Variants in PPP6R2 observed in about 807,000 individuals in gnomAD.
PPP6R2 encodes protein phosphatase 6 regulatory subunit 2, also known as serine/threonine-protein phosphatase 6 regulatory subunit 2.
PPP6R2 carries 62 observed loss-of-function variants against 100.2 expected under a neutral mutation model. The ratio of observed to expected loss-of-function variants is 0.62; its 90% CI spans 0.50 to 0.76. PPP6R2 has a LOEUF of 0.76. PPP6R2 is among the 30% of genes least tolerant of loss of function. The pLI is 0.00. For synonymous variants in PPP6R2, 525 were observed against 514.7 expected, an observed-to-expected ratio of 1.02 and a Z score of -0.27; for missense variants, 1,142 against 1,276.3, an observed-to-expected ratio of 0.89 and a Z score of 1.60.
In PPP6R2 at chr22:50,437,493, C is replaced by G. The variant is rs1411327873; in HGVS notation, c.1684-13C>G. On this transcript the variant is annotated splice_polypyrimidine_tract_variant and intron_variant, in intron 15 of 23. Transcript: ENST00000612753. ...GGTGTCTGTCCGTCCCTCCCTCCCT[C>G]CCTCCCTCCCAGGCCTTCTCTGACT... The G allele has an allele frequency of 1.1e-6, 1 of 948,542 alleles. No individual in the cohort carries two copies. Among genetic ancestry groups the G allele is most frequent in the Non-Finnish European group, 1.7e-6 (1 of 581,222 alleles). The allele number at this position is 948,542 out of a possible 1,614,324, so 58.8% of individuals were successfully genotyped here. A position where few individuals can be genotyped will look rare whatever the true frequency, so the allele number is the denominator to read the frequency against.
At chr22:50,382,370 G>A (rs1006453501) in intron 2 of PPP6R2, among the ~76,000 whole-genome samples, 8 of 151,984 alleles carry the variant, frequency 5.3e-5, no homozygotes, top group African/African-American at 7.3e-5. Flanking sequence ...AGGCTAAGGC[G>A]GGCGGATCAC....
chr22:50,422,416 G>A (rs1467860746), intron 9 of PPP6R2, 36 bp downstream of exon 9: 2 of 1,609,692 alleles, frequency 1.2e-6, no homozygotes, highest in Non-Finnish European at 1.7e-6. Flanking sequence ...TGCCTTTGGA[G>A]GCGTCGCAGG....
At chr22:50,343,215 G>T (rs978906918), upstream of PPP6R2, 1 of 151,204 alleles carries the variant, frequency 6.6e-6, no homozygotes, top group African/African-American at 2.4e-5. Flanking sequence ...AGGGGGCCCG[G>T]AGAGCCGGCC....
intron 8 of PPP6R2, among the ~76,000 whole-genome samples, 156 bp downstream of exon 8, chr22:50,419,618 T>C (rs540065905): frequency 1.3e-5 from 2 of 152,358 alleles, no homozygotes; most frequent in Admixed American, 6.5e-5. Flanking sequence ...GGCTTGACTT[T>C]ATGGCTGTGG....
intron 1 of PPP6R2, among the ~76,000 whole-genome samples, chr22:50,356,131 T>A (rs1475701712): frequency 1.3e-5 from 2 of 148,950 alleles, no homozygotes; most frequent in African/African-American, 4.9e-5. Flanking sequence ...CCCGGCTAAT[T>A]TTTTCTATTT....
At position 50,431,293 on chromosome 22, in the gene PPP6R2, A is replaced by G. The variant is rs759692126; in HGVS notation, c.1246A>G (p.Arg416Gly). The part of the protein sequence containing the change: ...ERTEASGSES[R>G]VEPPHENGNR... ...GACAGAAGCCAGCGGATCCGAGAGC[A>G]GGGTGGAGCCTCCGCATGAGAACGG... is the stretch of plus-strand genomic sequence containing the variant. The change falls in exon 11 of 24, where the codon AGG becomes GGG. Residue 416 changes from arginine to glycine, a missense_variant. Around this residue, in one of 2 missense-constraint regions of PPP6R2, gnomAD observed 592 missense variants for 758.9 expected, o/e 0.78. Transcript: ENST00000612753. The surrounding 1 kb of genome is among the most constrained non-coding windows in gnomAD (Gnocchi z 4.8). 6.2e-7 allele frequency: 1 copy of G among 1,613,480 alleles called. No individual in the cohort carries two copies. Among genetic ancestry groups the G allele is most frequent in the Non-Finnish European group, 8.5e-7 (1 of 1,180,040 alleles).
chr22:50,363,985 C>T (rs1272782600), intron 1 of PPP6R2, among the ~76,000 whole-genome samples: 2 of 151,594 alleles, frequency 1.3e-5, no homozygotes, highest in Non-Finnish European at 2.9e-5. Flanking sequence ...ACCTTTGCCT[C>T]CCGGGTTCAG....
chr22:50,416,219 C>T (rs2060510153), intron 6 of PPP6R2, 62 bp downstream of exon 6: 4 of 1,458,140 alleles, frequency 2.7e-6, no homozygotes, highest in African/African-American at 2.8e-5. Flanking sequence ...AGGTCACCCA[C>T]TGCTGCGGGC....
At chr22:50,404,486 G>C (rs1344545334) in intron 3 of PPP6R2, among the ~76,000 whole-genome samples, 2 of 151,688 alleles carry the variant, frequency 1.3e-5, no homozygotes, top group African/African-American at 2.4e-5. Flanking sequence ...TGCCTCCCGG[G>C]CTCAAGCCAT....
intron 10 of PPP6R2, among the ~76,000 whole-genome samples, chr22:50,425,330 T>C (rs1048872473): frequency 6.6e-6 from 1 of 152,224 alleles, no homozygotes; most frequent in African/African-American, 2.4e-5. Context: ...ATGTCCAAAT[T>C]TCCTTCCTTT....
intron 3 of PPP6R2, among the ~76,000 whole-genome samples, chr22:50,403,875 G>T (rs1363563497): frequency 6.6e-6 from 1 of 152,068 alleles, no homozygotes; most frequent in Non-Finnish European, 1.5e-5. Flanking sequence ...TTGGTCGGCT[G>T]CCAGGCCTGG....
chr22:50,363,915 C>T (rs1292964254), intron 1 of PPP6R2, among the ~76,000 whole-genome samples: 2 of 141,464 alleles, frequency 1.4e-5, no homozygotes, highest in African/African-American at 2.6e-5. Flanking sequence ...TTTTTTGAGA[C>T]GGAGTTTTTG....
At chr22:50,358,493 G>C (rs546609817) in intron 1 of PPP6R2, among the ~76,000 whole-genome samples, 2 of 152,206 alleles carry the variant, frequency 1.3e-5, no homozygotes, top group African/African-American at 4.8e-5. Context: ...CTTTTTAACA[G>C]CTTTATTGAG....
chr22:50,412,851 G>A (rs1324935848), intron 4 of PPP6R2, among the ~76,000 whole-genome samples: 3 of 151,182 alleles, frequency 2.0e-5, no homozygotes, highest in Admixed American at 2.0e-4. Flanking sequence ...CACCATGTTA[G>A]CCAGGATGGT....
At chr22:50,434,877 C>T (rs2063874958) in intron 12 of PPP6R2, 89 bp from the exon 13 acceptor site, 4 of 1,170,430 alleles carry the variant, frequency 3.4e-6, no homozygotes, top group Middle Eastern at 2.0e-4. Context: ...CGAAGTGAAC[C>T]TGGAGGCCTC....
At position 50,369,905 on chromosome 22, in the gene PPP6R2, ATT is replaced by A. The variant is rs1353992863; in HGVS notation, c.-147-2094_-147-2093del. Among the ~76,000 whole-genome samples, 479 of 123,566 alleles carry A rather than the reference ATT, an allele frequency of 3.9e-3. 4 individuals are homozygous for A. The highest frequency in any genetic ancestry group is 8.1e-3 in the Middle Eastern group (2 of 248). 81.1% of individuals were successfully genotyped at this position (123,566 alleles called of 152,430 possible). On this transcript the variant is annotated intron_variant, in intron 1 of 23. Transcript: ENST00000612753. ...GTGTGCCACCACACCCAGCTAAGTA[ATT>A]TTTTTTTTTTTTTTTTTTTTAAGTA...
At chr22:50,420,257 GAC>G (rs1297298782) in intron 8 of PPP6R2, among the ~76,000 whole-genome samples, 3 of 152,228 alleles carry the variant, frequency 2.0e-5, no homozygotes, top group African/African-American at 4.8e-5. Context: ...CATCTGGTCA[GAC>G]ACAGCTCCTT....
the PPP6R2 span, among the ~76,000 whole-genome samples, chr22:50,337,864 GTGTGTGGTGTA>G: frequency 1.4e-5 from 2 of 145,960 alleles, no homozygotes; most frequent in African/African-American, 5.1e-5. Context: ...TGGTGTGTCT[GTGTGTGGTGTA>G]TGTGTGGTGT....
intron 19 of PPP6R2, 70 bp from the exon 20 acceptor site, chr22:50,439,631 C>T (rs1380817915): frequency 1.9e-5 from 27 of 1,435,498 alleles, no homozygotes; most frequent in Middle Eastern, 2.4e-4. Context: ...GGGGCAGGGG[C>T]GCTGCCTCCC....
Sources: gnomAD v4.1 joint callset for allele counts (sites outside exome capture counted in the v4.1 genomes callset) on GRCh38, gnomAD v4.1.1 for gene constraint, gnomAD v4.1.1 regional missense constraint, Gnocchi (gnomAD v3.1) non-coding constraint, MANE v1.5 for transcripts, NCBI Gene and HGNC (gene_info 2026-07-23, HGNC 2026-07-21) for gene names.